TEX14: variants seen among roughly 807,000 people sequenced by gnomAD.
TEX14 encodes the protein testis expressed 14, intercellular bridge forming factor.
In TEX14, 168 loss-of-function variants were observed where a neutral mutation model predicts 178.6. The ratio of observed to expected loss-of-function variants is 0.94; its 90% CI spans 0.83 to 1.07. The LOEUF (loss-of-function observed/expected upper bound fraction) is 1.07, where lower values mean the gene tolerates loss of function less well. Ranked by LOEUF, TEX14 falls within the 50% of genes least tolerant of loss-of-function variation. The pLI, the probability that TEX14 is intolerant of heterozygous loss-of-function variation, is 0.00. For missense variants in TEX14, 1,730 were observed against 1,753.6 expected, an observed-to-expected ratio of 0.99 and a Z score of 0.24; for synonymous variants, 626 against 634.1, an observed-to-expected ratio of 0.99 and a Z score of 0.19.
intron 1 of TEX14, among the ~76,000 whole-genome samples, chr17:58,676,869 G>C (rs567330848): frequency 2.2e-4 from 34 of 151,976 alleles, no homozygotes; most frequent in African/African-American, 8.2e-4. Flanking sequence ...GGTGGCTCAC[G>C]CCTGTAATCC....
At chr17:58,570,783 G>A (rs1024393448) in intron 24 of TEX14, among the ~76,000 whole-genome samples, 5 of 151,710 alleles carry the variant, frequency 3.3e-5, no homozygotes, top group East Asian at 1.9e-4. Flanking sequence ...GTACCACCAC[G>A]CCCAGCCAAA....
intron 1 of TEX14, among the ~76,000 whole-genome samples, chr17:58,656,304 A>C (rs1400068746): frequency 6.6e-6 from 1 of 151,944 alleles, no homozygotes; most frequent in Admixed American, 6.6e-5. Context: ...AATTAGCCGG[A>C]TGTGGTGGCG....
chr17:58,686,657 G>T (rs302877), intron 1 of TEX14, among the ~76,000 whole-genome samples: 1 of 151,794 alleles, frequency 6.6e-6, no homozygotes, highest in Non-Finnish European at 1.5e-5. Flanking sequence ...TCAAAGAGTC[G>T]TGGACAACAA....
intron 1 of TEX14, among the ~76,000 whole-genome samples, chr17:58,671,822 G>A (rs1408914141): frequency 6.6e-6 from 1 of 152,104 alleles, no homozygotes; most frequent in East Asian, 1.9e-4. Context: ...TCTACTCACT[G>A]CCAGAGAAGC....
At chr17:58,640,278 G>A (rs986000164) in intron 2 of TEX14, among the ~76,000 whole-genome samples, 7 of 151,116 alleles carry the variant, frequency 4.6e-5, no homozygotes, top group Admixed American at 1.3e-4. Context: ...GCCACTCCAG[G>A]CTGGGTGACA....
chr17:58,647,535 G>GA (rs955041662), intron 2 of TEX14, among the ~76,000 whole-genome samples: 3 of 136,280 alleles, frequency 2.2e-5, no homozygotes, highest in South Asian at 4.6e-4. Context: ...CCGTCTCAAA[G>GA]AAAAAAAAGT....
At chr17:58,611,097 C>G (rs1567734386) in intron 10 of TEX14, 64 bp downstream of exon 10, 1 of 1,235,552 alleles carries the variant, frequency 8.1e-7, no homozygotes, top group East Asian at 2.3e-5. Flanking sequence ...GATTCTGTCT[C>G]TATAGGAAGG....
chr17:58,651,019 G>A (rs1003044264), intron 2 of TEX14, among the ~76,000 whole-genome samples: 1 of 152,190 alleles, frequency 6.6e-6, no homozygotes, highest in Non-Finnish European at 1.5e-5. Flanking sequence ...TGTAATCCTA[G>A]CACTTTGAGA....
intron 2 of TEX14, among the ~76,000 whole-genome samples, chr17:58,647,630 A>C (rs967303144): frequency 6.6e-6 from 1 of 152,042 alleles, no homozygotes; most frequent in African/African-American, 2.4e-5. Flanking sequence ...AAAAAAAAAA[A>C]AATTTGTTCC....
chr17:58,650,348 G>A (rs990375976), intron 2 of TEX14, among the ~76,000 whole-genome samples: 1 of 152,096 alleles, frequency 6.6e-6, no homozygotes, highest in African/African-American at 2.4e-5. Context: ...CACCATGCCT[G>A]GCCCAAGAAG....
intron 26 of TEX14, among the ~76,000 whole-genome samples, chr17:58,567,412 G>A (rs2044424689): frequency 6.6e-6 from 1 of 152,072 alleles, no homozygotes; most frequent in Non-Finnish European, 1.5e-5. Flanking sequence ...TGGGTGTCAA[G>A]GGTCCCCATA....
intron 4 of TEX14, 110 bp from the exon 5 acceptor site, chr17:58,621,896 A>C: frequency 7.9e-7 from 1 of 1,263,346 alleles, no homozygotes; most frequent in Non-Finnish European, 1.1e-6. Context: ...CAACAGAAAA[A>C]CCTCTCAAAA....
chr17:58,629,693 G>A (rs2046235669), intron 3 of TEX14, among the ~76,000 whole-genome samples: 3 of 151,228 alleles, frequency 2.0e-5, no homozygotes, highest in African/African-American at 7.3e-5. Flanking sequence ...AAATTAGCCC[G>A]GCGTGGTGGC....
chr17:58,590,704 A>G (rs2045113688), intron 15 of TEX14, among the ~76,000 whole-genome samples: 1 of 151,958 alleles, frequency 6.6e-6, no homozygotes, highest in South Asian at 2.1e-4. Context: ...GTGGGTCTAC[A>G]GCCGCACACC....
intron 7 of TEX14, among the ~76,000 whole-genome samples, chr17:58,615,842 A>C (rs902721468): frequency 2.0e-5 from 3 of 152,212 alleles, no homozygotes; most frequent in African/African-American, 7.2e-5. Flanking sequence ...GTAATCTTTC[A>C]GAGCAGTGGT....
chr17:58,647,249 G>A (rs1325929329), intron 2 of TEX14, among the ~76,000 whole-genome samples: 1 of 151,782 alleles, frequency 6.6e-6, no homozygotes, highest in Non-Finnish European at 1.5e-5. Context: ...GCAGCCCAGC[G>A]CGGTGGCTCA....
chr17:58,579,595 A>T (rs1464229403), intron 20 of TEX14, 70 bp downstream of exon 20: 1 of 1,339,416 alleles, frequency 7.5e-7, no homozygotes, highest in Non-Finnish European at 1.1e-6. Flanking sequence ...CCAGCTCTAA[A>T]CATCTGTGAT....
chr17:58,663,899 CA>C (rs1217082564), intron 1 of TEX14, among the ~76,000 whole-genome samples: 1 of 152,152 alleles, frequency 6.6e-6, no homozygotes, highest in Non-Finnish European at 1.5e-5. Context: ...CTATTTAGGC[CA>C]GGGGCAGTGG....
At chr17:58,680,069 G>A (rs2047475272) in intron 1 of TEX14, among the ~76,000 whole-genome samples, 1 of 145,508 alleles carries the variant, frequency 6.9e-6, no homozygotes, top group African/African-American at 2.4e-5. Flanking sequence ...ATGCCACTAT[G>A]GTGTCTTTTT....
Sources: gnomAD v4.1 joint callset for allele counts (sites outside exome capture counted in the v4.1 genomes callset) on GRCh38, gnomAD v4.1.1 for gene constraint, MANE v1.5 for transcripts, NCBI Gene and HGNC (gene_info 2026-07-23, HGNC 2026-07-21) for gene names.